BCL2L11: variants seen among roughly 807,000 people sequenced by gnomAD.
BCL2L11 encodes BCL2 like 11, also known as bcl-2-like protein 11.
Under a neutral mutation model 20.6 loss-of-function variants are expected in BCL2L11, and 15 were observed. The ratio of observed to expected loss-of-function variants is 0.73; its 90% CI spans 0.49 to 1.12. BCL2L11 has a LOEUF of 1.12. Ranked by LOEUF, BCL2L11 falls within the 50% of genes most tolerant of loss-of-function variation. The probability of loss-of-function intolerance (pLI) is 0.00; values close to 1 mark genes in which losing one functional copy is unlikely to be tolerated. For synonymous variants in BCL2L11, 108 were observed against 92.8 expected (o/e 1.16, Z -0.94); for missense variants, 292 against 260.9 (o/e 1.12, Z -0.82).
chr2:111,159,027 T>C (rs1001453546), intron 3 of BCL2L11, among the ~76,000 whole-genome samples: 1 of 152,246 alleles, frequency 6.6e-6, no homozygotes, highest in Non-Finnish European at 1.5e-5. Context: ...TATTCTGAGC[T>C]GCATTGTAGG....
At chr2:111,126,400 G>C (rs552564235) in intron 2 of BCL2L11, among the ~76,000 whole-genome samples, 1 of 152,254 alleles carries the variant, frequency 6.6e-6, no homozygotes, top group East Asian at 2.0e-4. Flanking sequence ...CTGCATTTCA[G>C]TAGATGGTGT....
intron 1 of BCL2L11, 137 bp from the exon 2 acceptor site, chr2:111,123,596 G>C: frequency 8.2e-7 from 1 of 1,217,184 alleles, no homozygotes. Flanking sequence ...TTTTATTTGG[G>C]AGATTGTCAG....
intron 3 of BCL2L11, among the ~76,000 whole-genome samples, chr2:111,152,319 G>A (rs2150519742): frequency 6.6e-6 from 1 of 152,350 alleles, no homozygotes; most frequent in South Asian, 2.1e-4. Context: ...GTGGCAGTAG[G>A]CCTTGCCTGG....
intron 2 of BCL2L11, among the ~76,000 whole-genome samples, chr2:111,133,572 C>CAG (rs1305931456): frequency 1.3e-5 from 2 of 152,086 alleles, no homozygotes; most frequent in East Asian, 3.9e-4. Flanking sequence ...CTGTTATGGT[C>CAG]AGAGAGCATA....
At chr2:111,146,963 C>T (rs966187146) in intron 2 of BCL2L11, among the ~76,000 whole-genome samples, 2 of 152,022 alleles carry the variant, frequency 1.3e-5, no homozygotes, top group Non-Finnish European at 2.9e-5. Flanking sequence ...ACTGTATTTG[C>T]ATCTCAAAAA....
rs372414092 is a variant in BCL2L11 at position 111,141,279 on chromosome 2, G to A, written c.395-8765G>A. 1.3e-4 allele frequency among the ~76,000 whole-genome samples: 20 copies of A among 151,774 alleles called. No individual in the cohort carries two copies. In the East Asian group the frequency reaches 3.3e-3, roughly 25 times the overall value. ...GGAACCAACCCAAATGTCCAACAAT[G>A]ATAGACTGGATTAAGAAAATGTGGC... On this transcript the variant is annotated intron_variant, in intron 2 of 3. Transcript: ENST00000393256.
At chr2:111,151,938 A>C in intron 3 of BCL2L11, 1 of 1,445,920 alleles carries the variant, frequency 6.9e-7, no homozygotes, top group Non-Finnish European at 9.5e-7. Context: ...TTGTCACTGA[A>C]GTAACCATTC....
At chr2:111,159,431 C>T (rs1405416177) in intron 3 of BCL2L11, among the ~76,000 whole-genome samples, 1 of 152,172 alleles carries the variant, frequency 6.6e-6, no homozygotes, top group African/African-American at 2.4e-5. Context: ...TCTTCCATCC[C>T]CAAGCTTGGG....
intron 2 of BCL2L11, among the ~76,000 whole-genome samples, chr2:111,127,420 T>TTC (rs1491196063): frequency 3.1e-4 from 35 of 113,296 alleles, no homozygotes; most frequent in African/African-American, 1.5e-3. Flanking sequence ...AATGGCTTTC[T>TTC]TTTTTTTTTT....
At chr2:111,146,296 C>T (rs2076501025) in intron 2 of BCL2L11, 1 of 917,720 alleles carries the variant, frequency 1.1e-6, no homozygotes, top group South Asian at 4.9e-5. Flanking sequence ...CAGGTATCAA[C>T]ATTTACGGCG....
chr2:111,123,901 G>A lies in BCL2L11; in HGVS notation c.156G>A (p.Gly52=). ...CTGAAGGCAATCACGGAGGTGAAGG[G>A]GACAGCTGCCCCCACGGCAGCCCTC... The part of the protein sequence containing the change: ...GNPEGNHGGE[G]DSCPHGSPQG... Residue 52 remains glycine (G), a synonymous_variant, in exon 2 of 4, where the codon GGG becomes GGA. Coordinates refer to ENST00000393256, the MANE Select transcript of BCL2L11 (RefSeq NM_138621.5). The A allele has an allele frequency of 6.2e-7, 1 of 1,612,418 alleles. No individual in the cohort carries two copies.
At chr2:111,127,889 A>G (rs2073027123) in intron 2 of BCL2L11, among the ~76,000 whole-genome samples, 1 of 152,162 alleles carries the variant, frequency 6.6e-6, no homozygotes, top group Admixed American at 6.5e-5. Flanking sequence ...TATGGGTTAC[A>G]TGTTGAAATG....
intron 2 of BCL2L11, among the ~76,000 whole-genome samples, chr2:111,147,340 TCTCTCTCACA>T (rs1403143421): frequency 8.4e-4 from 113 of 134,972 alleles, no homozygotes; most frequent in African/African-American, 3.1e-3. Context: ...TCTCTCTCTC[TCTCTCTCACA>T]CACACACACA....
In BCL2L11 at chr2:111,140,733, C is replaced by T. The variant is rs145644290; in HGVS notation, c.395-9311C>T. On this transcript the variant is annotated intron_variant, in intron 2 of 3. Transcript: ENST00000393256. Reference sequence around the variant, plus strand: ...TGTTAGTATATATGTGAGTTTACACCTCATTTTTGCTGATACTTGATCATA... The same window carrying T: ...TGTTAGTATATATGTGAGTTTACACTTCATTTTTGCTGATACTTGATCATA... Among the ~76,000 whole-genome samples the T allele has an allele frequency of 1.3e-3, 201 of 152,198 alleles. 3 individuals carry two copies. The highest frequency in any genetic ancestry group is 4.6e-3 in the African/African-American group (190 of 41,508).
Position 111,168,227 on chromosome 2 carries a change from G to C in BCL2L11, c.*3996G>C, listed in dbSNP as rs892448097. The C allele has an allele frequency of 6.6e-6, 1 of 152,558 alleles. No individual in the cohort carries two copies. The highest frequency in any genetic ancestry group is 1.5e-5 in the Non-Finnish European group (1 of 68,026). The allele number at this position is 152,558 out of a possible 1,614,324, so 9.5% of individuals were successfully genotyped here. On this transcript the variant is annotated 3_prime_UTR_variant, in exon 4 of 4. Coordinates refer to ENST00000393256, the MANE Select transcript of BCL2L11 (RefSeq NM_138621.5). The stretch of plus-strand genomic sequence containing the variant: ...CTCATCAGGTACCCACTTATAAATA[G>C]CACTGATCTGGCTGTATACTGATCC...
rs1301016975 is a variant in BCL2L11 at position 111,168,254 on chromosome 2, T to G, written c.*4023T>G. On this transcript the variant is annotated 3_prime_UTR_variant, in exon 4 of 4. Transcript: ENST00000393256. ...ACTGATCTGGCTGTATACTGATCCA[T>G]CACTAACCTGTTTTCTAGGACCCAG... 1 of 152,658 alleles carries G rather than the reference T, an allele frequency of 6.6e-6. No individual in the cohort carries two copies. Among genetic ancestry groups the G allele is most frequent in the African/African-American group, 2.4e-5 (1 of 41,452 alleles). The allele number at this position is 152,658 out of a possible 1,614,324, so 9.5% of individuals were successfully genotyped here. A position where few individuals can be genotyped will look rare whatever the true frequency, so the allele number is the denominator to read the frequency against.
chr2:111,138,872 C>T (rs1372525646), intron 2 of BCL2L11, among the ~76,000 whole-genome samples: 2 of 152,134 alleles, frequency 1.3e-5, no homozygotes, highest in African/African-American at 2.4e-5. Flanking sequence ...CTCTGAGGGT[C>T]ATGGGGAGTT....
intron 2 of BCL2L11, among the ~76,000 whole-genome samples, chr2:111,134,326 A>G (rs960924075): frequency 2.0e-5 from 3 of 151,494 alleles, no homozygotes; most frequent in African/African-American, 7.3e-5. Flanking sequence ...GCTCTGTATC[A>G]TTTTCTTAGT....
In BCL2L11 at chr2:111,164,204, T is replaced by A. The variant is rs1270641670; in HGVS notation, c.570T>A (p.Ile190=). The change falls in exon 4 of 4, where the codon ATT becomes ATA. Residue 190 remains isoleucine, a synonymous_variant. Transcript: ENST00000393256. ...TTATCTTACGACTGTTACGTTACATTGTCCGCCTGGTGTGGAGAATGCATT... is the reference window on the plus strand; with the variant it reads ...TTATCTTACGACTGTTACGTTACATAGTCCGCCTGGTGTGGAGAATGCATT... ...RMVILRLLRY[I]VRLVWRMH The A allele has an allele frequency of 6.2e-7, 1 of 1,612,884 alleles. No individual in the cohort carries two copies. The highest frequency in any genetic ancestry group is 1.3e-5 in the African/African-American group (1 of 74,918).
Sources: allele counts gnomAD v4.1 joint callset (sites outside exome capture counted in the v4.1 genomes callset), GRCh38; gene constraint gnomAD v4.1.1; transcripts MANE v1.5; gene names NCBI Gene and HGNC (gene_info 2026-07-23, HGNC 2026-07-21).